Variants in TEX11 observed in about 807,000 individuals in gnomAD.
TEX11 encodes the protein testis expressed 11.
A neutral mutation model predicts 84.4 loss-of-function variants in TEX11; 7 were observed. The ratio of observed to expected loss-of-function variants is 0.08; its 90% CI spans 0.05 to 0.16. TEX11 has a LOEUF of 0.16. Among genes scored for constraint, TEX11 ranks in the 10% least tolerant of loss-of-function variants. TEX11 has a pLI of 1.00. For synonymous variants in TEX11, 264 were observed against 222.8 expected (o/e 1.18, Z -1.64); for missense variants, 551 against 660.5 (o/e 0.83, Z 1.82).
At chrX:70,905,910 G>A (rs1038490410) in intron 2 of TEX11, among the ~76,000 whole-genome samples, 8 of 102,555 alleles carry the variant, frequency 7.8e-5, no homozygotes, top group South Asian at 4.6e-4. Context: ...AAAATTAGCC[G>A]GGCATGGTGG....
rs1429980495 is a variant in TEX11, at chrX:70,872,111, A to G, written c.244+1112T>C. On this transcript the variant is annotated intron_variant, in intron 4 of 29. Coordinates refer to ENST00000374333, the MANE Select transcript of TEX11 (RefSeq NM_031276.3). ...TAAACAGCTAAAGCAATACTTCCTC[A>G]TATGCAGAATGGTAGGAGTTAAGAA... Among the ~76,000 whole-genome samples, 4 of 111,981 alleles carry G rather than the reference A, an allele frequency of 3.6e-5. No individual in the cohort carries two copies. In the East Asian group the frequency reaches 8.4e-4, roughly 24 times the overall value.
At chrX:70,659,872 G>A (rs765179284) in intron 16 of TEX11, among the ~76,000 whole-genome samples, 1 of 111,796 alleles carries the variant, frequency 8.9e-6, no homozygotes, top group Non-Finnish European at 1.9e-5. Context: ...TTAACAACAG[G>A]GGTACATTCT....
intron 2 of TEX11, among the ~76,000 whole-genome samples, chrX:70,886,833 T>C (rs1429136303): frequency 1.8e-5 from 2 of 111,657 alleles, no homozygotes; most frequent in Non-Finnish European, 3.8e-5. Flanking sequence ...TGGAAGGCAA[T>C]TGGCTGGGGG....
intron 9 of TEX11, among the ~76,000 whole-genome samples, chrX:70,770,305 G>A (rs761991103): frequency 1.8e-5 from 2 of 111,667 alleles, no homozygotes; most frequent in Non-Finnish European, 3.8e-5. Context: ...TAAGACCTCT[G>A]GTGATATATA....
rs2090655100 is a variant in TEX11, at chrX:70,731,885, A to G, written c.844-6542T>C. ...TTTTAGACCAATATCCCTGATGAAC[A>G]TTGATGCAAAAAACCTCAATAAAAT... is the stretch of plus-strand genomic sequence containing the variant. On this transcript the variant is annotated intron_variant, in intron 11 of 29. Transcript: ENST00000374333. Among the ~76,000 whole-genome samples, 4 of 111,847 alleles carry G rather than the reference A, an allele frequency of 3.6e-5. No homozygotes were observed. The South Asian group carries it at 1.5e-3, about 43-fold the overall frequency.
intron 2 of TEX11, among the ~76,000 whole-genome samples, chrX:70,897,168 T>TTA (rs2091771725): frequency 7.8e-5 from 3 of 38,639 alleles, no homozygotes; most frequent in African/African-American, 1.2e-4. Context: ...ATATATATTT[T>TTA]TATATATATG....
At chrX:70,656,677 A>T (rs983098025) in intron 16 of TEX11, among the ~76,000 whole-genome samples, 7 of 111,896 alleles carry the variant, frequency 6.3e-5, no homozygotes, top group Non-Finnish European at 3.8e-5. Context: ...GATGAAGAAA[A>T]AAAAGGAAGT....
chrX:70,706,811 T>A (rs1356147587), intron 13 of TEX11, among the ~76,000 whole-genome samples: 1 of 110,970 alleles, frequency 9.0e-6, no homozygotes, highest in African/African-American at 3.3e-5. Context: ...TTACTTCATA[T>A]TTGAGCTACT....
intron 9 of TEX11, among the ~76,000 whole-genome samples, chrX:70,750,933 AATATATATATATATATAT>A (rs1169707708): frequency 7.1e-5 from 2 of 28,187 alleles, no homozygotes; most frequent in Non-Finnish European, 1.4e-4. Flanking sequence ...AAAAAAAAAA[AATATATATATATATATAT>A]ATATATATAT....
At position 70,694,016 on chromosome X, in the gene TEX11, C is replaced by A. The variant is rs190714579; in HGVS notation, c.1005-11191G>T. Among the ~76,000 whole-genome samples the A allele has an allele frequency of 2.3e-3, 259 of 111,281 alleles. 2 individuals are homozygous for A. Among genetic ancestry groups the A allele is most frequent in the African/African-American group, 6.2e-3 (189 of 30,661 alleles). The stretch of plus-strand genomic sequence containing the variant: ...AACCTAAAATAAAAGTTAAAAAAAA[C>A]CCCAAATATTGAAAGGAGCTTCATT... On this transcript the variant is annotated intron_variant, in intron 13 of 29. Transcript: ENST00000374333.
chrX:70,599,849 T>A (rs2089070261), intron 24 of TEX11, among the ~76,000 whole-genome samples: 3 of 107,885 alleles, frequency 2.8e-5, no homozygotes, highest in South Asian at 8.5e-4. Context: ...GGACATGAAC[T>A]CATCATTTTT....
chrX:70,902,444 C>T (rs945962305), intron 2 of TEX11, among the ~76,000 whole-genome samples: 2 of 111,522 alleles, frequency 1.8e-5, no homozygotes, highest in Non-Finnish European at 1.9e-5. Flanking sequence ...AGGCTACACT[C>T]AGTTTATAAA....
In TEX11 at chrX:70,682,698, C is replaced by T; in HGVS notation, c.1132G>A (p.Glu378Lys). The change falls in exon 14 of 30, where the codon GAG becomes AAG. Residue 378 changes from glutamate to lysine, a missense_variant. Physicochemically the swap from Glu to Lys is moderately conservative, Grantham distance 56. Transcript: ENST00000374333. Reference protein sequence around the residue: ...LQRKEELLAKEKIEEIFLAHQ... With the variant: ...LQRKEELLAKKKIEEIFLAHQ... ...CCTAAAAAGATTTCTTCAATCTTCT[C>T]CTTGGCAAGAAGTTCTTCCTTCCTT... 1 of 1,209,856 alleles carries T rather than the reference C, an allele frequency of 8.3e-7. No individual in the cohort carries two copies. The highest frequency in any genetic ancestry group is 1.1e-6 in the Non-Finnish European group (1 of 894,861).
chrX:70,690,618 A>G (rs914339958), intron 13 of TEX11, among the ~76,000 whole-genome samples: 2 of 111,329 alleles, frequency 1.8e-5, no homozygotes, highest in Non-Finnish European at 3.8e-5. Flanking sequence ...AGGCAGGAAG[A>G]TCACTTGAGT....
At chrX:70,844,044 T>A (rs1270462704) in intron 7 of TEX11, among the ~76,000 whole-genome samples, 1 of 110,367 alleles carries the variant, frequency 9.1e-6, no homozygotes, top group Admixed American at 9.7e-5. Flanking sequence ...ATTGTGGAAG[T>A]CAGTGTGGCG....
intron 20 of TEX11, among the ~76,000 whole-genome samples, chrX:70,616,129 A>C (rs1002901951): frequency 9.0e-6 from 1 of 111,716 alleles, no homozygotes; most frequent in East Asian, 2.8e-4. Flanking sequence ...ACAGAAAAAA[A>C]CACAATATTA....
At chrX:70,817,718 T>C (rs1256205097) in intron 8 of TEX11, among the ~76,000 whole-genome samples, 2 of 103,643 alleles carry the variant, frequency 1.9e-5, no homozygotes, top group East Asian at 3.0e-4. Context: ...CCAGCCTGGG[T>C]GACAGAGTGA....
chrX:70,753,382 C>T lies in TEX11; in HGVS notation c.693-9163G>A, dbSNP rs550617287. On this transcript the variant is annotated intron_variant, in intron 9 of 29. Coordinates refer to ENST00000374333, the MANE Select transcript of TEX11 (RefSeq NM_031276.3). ...AATCGAAGAGTGGGGAGAACTTTGTCTTGCATCTTGGATACCAGCTCAGCT... is the reference window on the plus strand; with the variant it reads ...AATCGAAGAGTGGGGAGAACTTTGTTTTGCATCTTGGATACCAGCTCAGCT... 1.6e-4 allele frequency among the ~76,000 whole-genome samples: 18 copies of T among 111,359 alleles called. No homozygotes were observed. In the South Asian group the frequency reaches 6.5e-3, roughly 40 times the overall value.
chrX:70,838,316 G>C (rs191007983), intron 7 of TEX11, among the ~76,000 whole-genome samples: 1 of 111,281 alleles, frequency 9.0e-6, no homozygotes, highest in East Asian at 2.8e-4. Context: ...CTAGCTACTC[G>C]GGAGGCTGAG....
Sources: allele counts gnomAD v4.1 joint callset (sites outside exome capture counted in the v4.1 genomes callset), GRCh38; gene constraint gnomAD v4.1.1; transcripts MANE v1.5; gene names NCBI Gene and HGNC (gene_info 2026-07-23, HGNC 2026-07-21).